LNX2: variants seen among roughly 807,000 people sequenced by gnomAD.
LNX2 encodes ligand of Numb protein X 2.
Under a neutral mutation model 66.2 loss-of-function variants are expected in LNX2, and 35 were observed. That is an observed-to-expected ratio of 0.53 (90% CI 0.40 to 0.70). The LOEUF is 0.70. Ranked by LOEUF, LNX2 falls within the 30% of genes least tolerant of loss-of-function variation. LNX2 has a pLI of 0.00. For missense variants in LNX2, 791 were observed against 850.8 expected, an observed-to-expected ratio of 0.93 and a Z score of 0.87; for synonymous variants, 337 against 315.6, an observed-to-expected ratio of 1.07 and a Z score of -0.72.
chr13:27,564,789 A>G (rs1566118344), intron 4 of LNX2, among the ~76,000 whole-genome samples: 1 of 152,176 alleles, frequency 6.6e-6, no homozygotes, highest in Non-Finnish European at 1.5e-5. Flanking sequence ...TCACTGTGTT[A>G]TATTTATTTA....
intron 4 of LNX2, among the ~76,000 whole-genome samples, chr13:27,567,150 G>C (rs1222774739): frequency 6.6e-6 from 1 of 152,114 alleles, no homozygotes; most frequent in Non-Finnish European, 1.5e-5. Context: ...CAAGATTTCT[G>C]AACTCTATCT....
intron 1 of LNX2, among the ~76,000 whole-genome samples, chr13:27,595,729 T>C (rs925537688): frequency 8.2e-6 from 1 of 121,922 alleles, no homozygotes; most frequent in African/African-American, 3.0e-5. Flanking sequence ...AAACCATTCA[T>C]CTAAACCATT....
intron 1 of LNX2, among the ~76,000 whole-genome samples, chr13:27,583,242 G>GTCCTCTCCAATATAACTT (rs1955436078): frequency 3.8e-5 from 1 of 26,094 alleles, no homozygotes; most frequent in Non-Finnish European, 7.4e-5. Context: ...GTGTGTGTGT[G>GTCCTCTCCAATATAACTT]TGTGTGTGTG....
chr13:27,597,683 C>T (rs575900377), intron 1 of LNX2, among the ~76,000 whole-genome samples: 1 of 152,072 alleles, frequency 6.6e-6, no homozygotes, highest in Admixed American at 6.5e-5. Flanking sequence ...GCCAAGATGA[C>T]TGGTAATGAG....
intron 6 of LNX2, among the ~76,000 whole-genome samples, chr13:27,558,683 T>C (rs1216454378): frequency 2.6e-5 from 4 of 152,142 alleles, no homozygotes; most frequent in Non-Finnish European, 5.9e-5. Flanking sequence ...CAATTACCCC[T>C]TTTCCACAGT....
intron 4 of LNX2, among the ~76,000 whole-genome samples, chr13:27,566,623 T>C (rs1178709353): frequency 2.6e-5 from 4 of 151,696 alleles, no homozygotes; most frequent in Non-Finnish European, 4.4e-5. Context: ...GGGAGGAGAG[T>C]TGGGAGGCAG....
At chr13:27,589,081 T>A (rs1955523293) in intron 1 of LNX2, among the ~76,000 whole-genome samples, 1 of 151,952 alleles carries the variant, frequency 6.6e-6, no homozygotes, top group Non-Finnish European at 1.5e-5. Flanking sequence ...CATCGAAGAG[T>A]TCTAAAACCC....
intron 2 of LNX2, among the ~76,000 whole-genome samples, chr13:27,574,215 CG>C (rs1955318463): frequency 6.6e-6 from 1 of 152,158 alleles, no homozygotes; most frequent in African/African-American, 2.4e-5. Flanking sequence ...GACGCCAAGG[CG>C]GGTGGATCAC....
At chr13:27,582,661 T>C (rs989593316) in intron 1 of LNX2, among the ~76,000 whole-genome samples, 6 of 152,056 alleles carry the variant, frequency 3.9e-5, no homozygotes, top group African/African-American at 1.4e-4. Flanking sequence ...AAACACCACA[T>C]GTTCTCACTC....
intron 1 of LNX2, among the ~76,000 whole-genome samples, chr13:27,598,241 C>G (rs1026702581): frequency 2.3e-4 from 35 of 149,598 alleles, no homozygotes; most frequent in Non-Finnish European, 4.0e-4. Flanking sequence ...ACACCTATGG[C>G]CCACATCTGG....
At chr13:27,568,942 T>A in intron 3 of LNX2, 87 bp downstream of exon 3, 3 of 1,382,194 alleles carry the variant, frequency 2.2e-6, no homozygotes, top group Non-Finnish European at 2.9e-6. Flanking sequence ...TAAATTTTTC[T>A]TTAAAGATGA....
intron 2 of LNX2, among the ~76,000 whole-genome samples, chr13:27,572,746 C>G (rs762278780): frequency 6.6e-6 from 1 of 152,156 alleles, no homozygotes; most frequent in Non-Finnish European, 1.5e-5. Flanking sequence ...GGTGCAACAA[C>G]ACACTATATT....
At position 27,581,435 on chromosome 13, in the gene LNX2, C is replaced by T; in HGVS notation, c.269G>A (p.Arg90Lys). 2 of 1,610,016 alleles carry T rather than the reference C, an allele frequency of 1.2e-6. No homozygotes were observed. Among genetic ancestry groups the T allele is most frequent in the African/African-American group, 2.7e-5 (2 of 74,912 alleles). ...CTTCTTGCACAACTTAAAATGAAGT[C>T]TTTTCCGGTCCAACGGACAGAAATC... ...EKDFCPLDRK[R>K]LHFKLCKKSS... is the part of the protein sequence containing the mutation. The change falls in exon 2 of 10, where the codon AGA becomes AAA. Residue 90 changes from arginine to lysine, a missense_variant. Coordinates refer to ENST00000316334, the MANE Select transcript of LNX2 (RefSeq NM_153371.4).
chr13:27,568,820 G>A (rs568726580), intron 3 of LNX2, among the ~76,000 whole-genome samples: 1 of 152,302 alleles, frequency 6.6e-6, no homozygotes, highest in East Asian at 1.9e-4. Context: ...GGTAAGATTT[G>A]TGATTTGTTT....
intron 1 of LNX2, among the ~76,000 whole-genome samples, chr13:27,605,855 C>T (rs182258267): frequency 6.6e-6 from 1 of 152,274 alleles, no homozygotes; most frequent in Admixed American, 6.5e-5. Flanking sequence ...CAATGTAACA[C>T]TGAAAATATT....
intron 1 of LNX2, among the ~76,000 whole-genome samples, chr13:27,613,874 G>T (rs777130385): frequency 6.6e-6 from 1 of 152,238 alleles, no homozygotes; most frequent in African/African-American, 2.4e-5. Context: ...AATACTACAA[G>T]GGCAGAGACA....
intron 1 of LNX2, among the ~76,000 whole-genome samples, chr13:27,593,734 TTGTGTG>T (rs373386821): frequency 3.5e-4 from 51 of 143,922 alleles, no homozygotes; most frequent in East Asian, 3.4e-3. Flanking sequence ...CGCCTGGTTT[TTGTGTG>T]TGTGTGTGTG....
intron 1 of LNX2, among the ~76,000 whole-genome samples, chr13:27,583,457 C>T (rs1955446456): frequency 6.6e-6 from 1 of 151,992 alleles, no homozygotes; most frequent in Admixed American, 6.6e-5. Context: ...GGGGTTTCAC[C>T]ATATTGGCCA....
chr13:27,553,814 C>T (rs1955030828), intron 7 of LNX2, among the ~76,000 whole-genome samples: 1 of 152,108 alleles, frequency 6.6e-6, no homozygotes, highest in Admixed American at 6.5e-5. Context: ...ATCACTTGAT[C>T]CTTTGCCCTT....
Sources: allele counts gnomAD v4.1 joint callset (sites outside exome capture counted in the v4.1 genomes callset), GRCh38; gene constraint gnomAD v4.1.1; transcripts MANE v1.5; gene names NCBI Gene and HGNC (gene_info 2026-07-23, HGNC 2026-07-21).